The following NFIA variants were observed in gnomAD, a reference collection of about 807,000 sequenced individuals.
NFIA encodes nuclear factor I A, also known as nuclear factor 1 A-type.
NFIA carries 8 observed loss-of-function variants against 62.8 expected under a neutral mutation model. That is an observed-to-expected ratio of 0.13 (90% confidence interval 0.07 to 0.23). The LOEUF is 0.23. NFIA is among the 10% of genes least tolerant of loss of function. The pLI is 1.00. For missense variants in NFIA, 410 were observed against 642.1 expected, an observed-to-expected ratio of 0.64 and a Z score of 3.91; for synonymous variants, 235 against 238.1, an observed-to-expected ratio of 0.99 and a Z score of 0.12.
chr1:61,206,641 T>G (rs187264567), intron 2 of NFIA, among the ~76,000 whole-genome samples: 2 of 152,236 alleles, frequency 1.3e-5, no homozygotes, highest in African/African-American at 4.8e-5. Context: ...TCTGACCAGA[T>G]AGAATTTCTT....
chr1:61,420,141 A>G (rs977710129), intron 9 of NFIA, among the ~76,000 whole-genome samples: 22 of 152,168 alleles, frequency 1.4e-4, no homozygotes, highest in Admixed American at 1.2e-3. Flanking sequence ...TTCTCTAGCT[A>G]TCTAATAATA....
rs541681812 is a variant in NFIA at position 61,276,134 on chromosome 1, A to G, written c.560-1386A>G. ...CATCTTCTGTTATTTAAACCTTTGA[A>G]TCAACATAGAATTTTTGCTATAGTC... On this transcript the variant is annotated intron_variant, in intron 2 of 10. Transcript: ENST00000403491. 1.3e-3 allele frequency among the ~76,000 whole-genome samples: 201 copies of G among 152,342 alleles called. 1 individual carries two copies. Among genetic ancestry groups the G allele is most frequent in the African/African-American group, 4.4e-3 (181 of 41,584 alleles).
chr1:61,093,042 G>T (rs988560303), intron 2 of NFIA, among the ~76,000 whole-genome samples: 1 of 152,006 alleles, frequency 6.6e-6, no homozygotes, highest in African/African-American at 2.4e-5. Flanking sequence ...TAAATAAATC[G>T]CATTAGATTG....
At chr1:61,151,907 A>G (rs1156240459) in intron 2 of NFIA, among the ~76,000 whole-genome samples, 2 of 152,136 alleles carry the variant, frequency 1.3e-5, no homozygotes, top group African/African-American at 2.4e-5. Context: ...TCTTTCTGCA[A>G]TCACCCTCTA....
At chr1:61,197,221 T>C (rs1652082143) in intron 2 of NFIA, among the ~76,000 whole-genome samples, 1 of 151,068 alleles carries the variant, frequency 6.6e-6, no homozygotes, top group South Asian at 2.1e-4. Context: ...CATGCTTATT[T>C]ACTACTCTGG....
At chr1:61,241,017 A>AT (rs1462510168) in intron 2 of NFIA, among the ~76,000 whole-genome samples, 2 of 148,790 alleles carry the variant, frequency 1.3e-5, no homozygotes, top group African/African-American at 4.9e-5. Flanking sequence ...TTTTTGGTTT[A>AT]TAATTTCTTT....
intron 2 of NFIA, among the ~76,000 whole-genome samples, chr1:61,228,503 G>C (rs1654469669): frequency 6.6e-6 from 1 of 152,146 alleles, no homozygotes; most frequent in South Asian, 2.1e-4. Context: ...TGGATGGTGT[G>C]GCTCAAATAA....
chr1:61,122,129 ATT>A, intron 2 of NFIA, among the ~76,000 whole-genome samples: 1 of 152,340 alleles, frequency 6.6e-6, no homozygotes, highest in South Asian at 2.1e-4. Context: ...AGTTAAGTTT[ATT>A]AATGTGTCAT....
intron 2 of NFIA, among the ~76,000 whole-genome samples, chr1:61,275,085 A>C (rs1657728876): frequency 6.6e-6 from 1 of 152,176 alleles, no homozygotes; most frequent in Non-Finnish European, 1.5e-5. Flanking sequence ...CTTTTGAATA[A>C]AACTAGAAAA....
intron 2 of NFIA, among the ~76,000 whole-genome samples, chr1:61,246,559 T>C (rs1025641150): frequency 2.0e-5 from 3 of 151,862 alleles, no homozygotes; most frequent in Admixed American, 2.0e-4. Context: ...TTCTGAAAAA[T>C]GAAGGGATTA....
At chr1:61,311,428 G>A (rs1000827010) in intron 3 of NFIA, among the ~76,000 whole-genome samples, 3 of 151,980 alleles carry the variant, frequency 2.0e-5, no homozygotes, top group Non-Finnish European at 4.4e-5. Flanking sequence ...ACATACTGTA[G>A]GGAGTTCAGT....
At chr1:61,338,632 C>T (rs1661742359) in intron 4 of NFIA, among the ~76,000 whole-genome samples, 3 of 152,154 alleles carry the variant, frequency 2.0e-5, no homozygotes, top group South Asian at 2.1e-4. Context: ...ACAGAATGAA[C>T]TCGGCTACAA....
At position 61,088,405 on chromosome 1, in the gene NFIA, T is replaced by A. The variant is rs1246036559; in HGVS notation, c.284T>A (p.Val95Asp). 1 of 1,613,856 alleles carries A rather than the reference T, an allele frequency of 6.2e-7. No homozygotes were observed. The highest frequency in any genetic ancestry group is 8.5e-7 in the Non-Finnish European group (1 of 1,179,960). Residue 95 changes from valine (V) to aspartate (D), a missense_variant, in exon 2 of 11, where the codon GTT becomes GAT. Around this residue, in one of 3 missense-constraint regions of NFIA, gnomAD observed 86 missense variants for 124.6 expected, o/e 0.69. Coordinates refer to ENST00000403491, the MANE Select transcript of NFIA (RefSeq NM_001134673.4). The surrounding 1 kb of genome is among the most constrained non-coding windows in gnomAD (Gnocchi z 4.5). The part of the protein sequence containing the change: ...PEYREDFVLT[V>D]TGKKPPCCVL... ...TATCGAGAGGATTTTGTTCTTACAG[T>A]TACAGGGAAAAAACCTCCATGTTGT...
At chr1:61,403,112 C>T (rs1050215396) in intron 7 of NFIA, among the ~76,000 whole-genome samples, 8 of 152,076 alleles carry the variant, frequency 5.3e-5, no homozygotes, top group Admixed American at 2.6e-4. Flanking sequence ...AGATTTAAAC[C>T]GAAGAAAGGA....
At chr1:61,368,112 A>G (rs1160884252) in intron 6 of NFIA, among the ~76,000 whole-genome samples, 2 of 152,228 alleles carry the variant, frequency 1.3e-5, no homozygotes, top group Admixed American at 1.3e-4. Context: ...GCTGCATTTC[A>G]GCTGGTCTTG....
intron 10 of NFIA, among the ~76,000 whole-genome samples, chr1:61,434,914 G>T (rs1309257697): frequency 6.6e-6 from 1 of 152,156 alleles, no homozygotes. Flanking sequence ...GGAACTGTGG[G>T]AAAAGGGGGA....
At chr1:61,135,407 C>CT (rs910236578) in intron 2 of NFIA, among the ~76,000 whole-genome samples, 16 of 152,040 alleles carry the variant, frequency 1.1e-4, no homozygotes, top group African/African-American at 3.9e-4. Flanking sequence ...GATTGTTGAA[C>CT]TTTCTTTTTT....
intron 3 of NFIA, among the ~76,000 whole-genome samples, chr1:61,278,271 T>C (rs1281038006): frequency 6.6e-6 from 1 of 152,198 alleles, no homozygotes; most frequent in African/African-American, 2.4e-5. Flanking sequence ...AAAAATACTG[T>C]CATGGGTTGG....
At chr1:61,152,848 T>G (rs1220060946) in intron 2 of NFIA, among the ~76,000 whole-genome samples, 2 of 152,184 alleles carry the variant, frequency 1.3e-5, no homozygotes, top group Non-Finnish European at 2.9e-5. Flanking sequence ...TGTATTGTAA[T>G]ATTTGTTTCC....
Sources: allele counts gnomAD v4.1 joint callset (sites outside exome capture counted in the v4.1 genomes callset), GRCh38; gene constraint gnomAD v4.1.1; regional missense constraint gnomAD v4.1.1; non-coding constraint Gnocchi (gnomAD v3.1); transcripts MANE v1.5; gene names NCBI Gene and HGNC (gene_info 2026-07-23, HGNC 2026-07-21).